The following OTOGL variants were observed in gnomAD, a reference collection of about 807,000 sequenced individuals.
The protein encoded by OTOGL is otogelin-like protein.
OTOGL carries 285 observed loss-of-function variants against 318.5 expected under a neutral mutation model. The observed-to-expected ratio is 0.89, with a 90% CI of 0.81 to 0.99. The LOEUF is 0.99. OTOGL is among the 50% of genes least tolerant of loss of function. The pLI is 0.00. For synonymous variants in OTOGL, 987 were observed against 936.5 expected (o/e 1.05, Z -0.99); for missense variants, 2,899 against 2,845.6 (o/e 1.02, Z -0.43).
chr12:80,330,425 T>A (rs1169863225), intron 37 of OTOGL, among the ~76,000 whole-genome samples: 1 of 152,216 alleles, frequency 6.6e-6, no homozygotes. Context: ...GTTTAAAGCA[T>A]GCTTTGGGAG....
At chr12:80,190,907 C>T (rs1875649063) in intron 1 of OTOGL, among the ~76,000 whole-genome samples, 1 of 151,352 alleles carries the variant, frequency 6.6e-6, no homozygotes, top group South Asian at 2.1e-4. Context: ...ATGCTTTTCC[C>T]AGAGTGGTAC....
intron 55 of OTOGL, among the ~76,000 whole-genome samples, chr12:80,368,751 A>G (rs1484148598): frequency 6.6e-6 from 1 of 152,030 alleles, no homozygotes; most frequent in Admixed American, 6.6e-5. Flanking sequence ...AGACAAGAAA[A>G]TAGTCAGGTT....
intron 42 of OTOGL, among the ~76,000 whole-genome samples, chr12:80,338,125 A>G (rs1031275695): frequency 4.6e-5 from 7 of 152,104 alleles, no homozygotes; most frequent in Non-Finnish European, 7.4e-5. Context: ...CCTGATCTCA[A>G]GTAACTTATA....
chr12:80,319,107 A>G (rs1409692596), intron 33 of OTOGL, among the ~76,000 whole-genome samples: 3 of 152,194 alleles, frequency 2.0e-5, no homozygotes, highest in African/African-American at 7.2e-5. Context: ...GTTCTACATG[A>G]AGAGCATAAA....
chr12:80,167,877 C>G (rs1873926985), intron 1 of OTOGL, among the ~76,000 whole-genome samples: 1 of 152,084 alleles, frequency 6.6e-6, no homozygotes, highest in African/African-American at 2.4e-5. Context: ...ACTCTAGTCA[C>G]TTGAGAATTA....
chr12:80,135,329 G>A (rs1022326611), intron 1 of OTOGL, among the ~76,000 whole-genome samples: 1 of 134,504 alleles, frequency 7.4e-6, no homozygotes, highest in African/African-American at 2.8e-5. Context: ...CTACAGTGCA[G>A]TGGCATGATC....
At chr12:80,311,838 C>T (rs984955221) in intron 30 of OTOGL, among the ~76,000 whole-genome samples, 10 of 152,144 alleles carry the variant, frequency 6.6e-5, no homozygotes, top group African/African-American at 2.4e-4. Flanking sequence ...CCCCTGCGAG[C>T]TTATAAGGTT....
chr12:80,133,255 G>GT (rs986348416), intron 1 of OTOGL, among the ~76,000 whole-genome samples: 40 of 151,950 alleles, frequency 2.6e-4, no homozygotes, highest in African/African-American at 9.2e-4. Context: ...TTTAGGCAGT[G>GT]TTTTTTTAGG....
chr12:80,142,665 C>A (rs116604108), intron 1 of OTOGL, among the ~76,000 whole-genome samples: 1 of 152,124 alleles, frequency 6.6e-6, no homozygotes, highest in African/African-American at 2.4e-5. Flanking sequence ...ATTCATTTGA[C>A]GGCCCCTTAA....
intron 1 of OTOGL, among the ~76,000 whole-genome samples, chr12:80,157,258 A>G (rs1873186673): frequency 6.6e-6 from 1 of 152,018 alleles, no homozygotes; most frequent in Admixed American, 6.6e-5. Context: ...CTGTCTATTC[A>G]AATCTTTTGC....
chr12:80,122,541 A>C (rs1487127824), intron 1 of OTOGL, among the ~76,000 whole-genome samples: 1 of 152,174 alleles, frequency 6.6e-6, no homozygotes, highest in African/African-American at 2.4e-5. Context: ...CTGAGAAAAA[A>C]TCCAGATGTA....
chr12:80,231,695 C>T (rs1215384652), intron 8 of OTOGL, among the ~76,000 whole-genome samples: 1 of 152,034 alleles, frequency 6.6e-6, no homozygotes, highest in African/African-American at 2.4e-5. Flanking sequence ...AGTGCAGCGA[C>T]ATGATTTCAG....
chr12:80,182,632 C>A (rs1374894477), intron 1 of OTOGL, among the ~76,000 whole-genome samples: 3 of 152,088 alleles, frequency 2.0e-5, no homozygotes, highest in Non-Finnish European at 4.4e-5. Context: ...AACACTTGTG[C>A]TGGTCTAGAA....
rs542890611 is a variant in OTOGL, at chr12:80,294,436, G to C, written c.2929-2391G>C. Reference sequence around the variant, plus strand: ...TCTAAATAACTTTTCCCAAGATGAAGAGCAAAACAAAACCCTAAATTATGT... The same window carrying C: ...TCTAAATAACTTTTCCCAAGATGAACAGCAAAACAAAACCCTAAATTATGT... On this transcript the variant is annotated intron_variant, in intron 26 of 58. Coordinates refer to ENST00000547103, the MANE Select transcript of OTOGL (RefSeq NM_001378609.3). Among the ~76,000 whole-genome samples the C allele has an allele frequency of 2.1e-3, 321 of 152,196 alleles. 2 individuals carry two copies. Among genetic ancestry groups the C allele is most frequent in the African/African-American group, 7.2e-3 (298 of 41,542 alleles).
chr12:80,112,391 A>T (rs950315502), intron 1 of OTOGL, among the ~76,000 whole-genome samples: 2 of 152,222 alleles, frequency 1.3e-5, no homozygotes, highest in South Asian at 2.1e-4. Context: ...TGTCATAAAG[A>T]GCTTTTATTA....
At chr12:80,122,463 G>C (rs748974031) in intron 1 of OTOGL, among the ~76,000 whole-genome samples, 1 of 152,138 alleles carries the variant, frequency 6.6e-6, no homozygotes, top group Non-Finnish European at 1.5e-5. Flanking sequence ...AAGATACTTT[G>C]TATCATTAAT....
At chr12:80,303,793 C>T (rs1007460669) in intron 28 of OTOGL, among the ~76,000 whole-genome samples, 2 of 152,176 alleles carry the variant, frequency 1.3e-5, no homozygotes, top group Non-Finnish European at 2.9e-5. Flanking sequence ...GGAGAAACCA[C>T]CCCCATGATC....
At chr12:80,229,554 G>C (rs750138333) in intron 8 of OTOGL, among the ~76,000 whole-genome samples, 176 bp downstream of exon 8, 1 of 152,064 alleles carries the variant, frequency 6.6e-6, no homozygotes, top group Non-Finnish European at 1.5e-5. Context: ...CAGCCAGGTG[G>C]TCAAGAGTAC....
chr12:80,345,967 C>T (rs1889171941), intron 44 of OTOGL, among the ~76,000 whole-genome samples: 1 of 152,026 alleles, frequency 6.6e-6, no homozygotes, highest in Admixed American at 6.6e-5. Flanking sequence ...TTCTTTTTAC[C>T]CACATAGTTC....
Sources: gnomAD v4.1 joint callset for allele counts (sites outside exome capture counted in the v4.1 genomes callset) on GRCh38, gnomAD v4.1.1 for gene constraint, MANE v1.5 for transcripts, NCBI Gene and HGNC (gene_info 2026-07-23, HGNC 2026-07-21) for gene names.